USH1C: variants seen among roughly 807,000 people sequenced by gnomAD.
The protein encoded by USH1C is USH1 protein network component harmonin.
A neutral mutation model predicts 119.3 loss-of-function variants in USH1C; 90 were observed. The observed-to-expected ratio is 0.75, with a 90% CI of 0.64 to 0.90. USH1C has a LOEUF of 0.90. Among genes scored for constraint, USH1C ranks in the 40% least tolerant of loss-of-function variants. USH1C has a pLI of 0.00. For missense variants in USH1C, 1,165 were observed against 1,167.7 expected (o/e 1.00, Z 0.03); for synonymous variants, 465 against 443.3 (o/e 1.05, Z -0.62).
At position 17,509,799 on chromosome 11, in the gene USH1C, GAGACACAGA is replaced by G; in HGVS notation, c.1561_1569del (p.Ser521_Ser523del). 6.3e-7 allele frequency: 1 copy of G among 1,599,812 alleles called. No homozygotes were observed. The highest frequency in any genetic ancestry group is 8.5e-7 in the Non-Finnish European group (1 of 1,178,818). On this transcript the variant is annotated inframe_deletion, in exon 18 of 27. Transcript: ENST00000005226. Reference sequence around the variant, plus strand: ...AAGCGTCTCAAGGGTGGGGCCAGGGGAGACACAGAAGGCGGGGGAGGCGGGGGCCCTGTG... The same window carrying G: ...AAGCGTCTCAAGGGTGGGGCCAGGGGAGGCGGGGGAGGCGGGGGCCCTGTG...
chr11:17,540,361 C>T (rs1220853772), intron 1 of USH1C, among the ~76,000 whole-genome samples: 2 of 152,070 alleles, frequency 1.3e-5, no homozygotes, highest in Non-Finnish European at 2.9e-5. Context: ...CCTGCTTCTC[C>T]TTGCTTTCCT....
chr11:17,501,841 G>A lies in USH1C; in HGVS notation c.2226+98C>T. 15 of 1,397,866 alleles carry A rather than the reference G, an allele frequency of 1.1e-5. No individual in the cohort carries two copies. In the South Asian group the frequency reaches 2.0e-4, roughly 18 times the overall value. The allele number at this position is 1,397,866 out of a possible 1,614,324, so 86.6% of individuals were successfully genotyped here. A position where few individuals can be genotyped will look rare whatever the true frequency, so the allele number is the denominator to read the frequency against. Reference sequence around the variant, plus strand: ...TCCTCTGTGCCCCACCTCATCCCAGGACCCCAAGGCCCAGAATGCACCACT... The same window carrying A: ...TCCTCTGTGCCCCACCTCATCCCAGAACCCCAAGGCCCAGAATGCACCACT... On this transcript the variant is annotated intron_variant, in intron 21 of 26. Transcript: ENST00000005226.
intron 15 of USH1C, 36 bp from the exon 16 acceptor site, chr11:17,512,090 T>C: frequency 6.2e-7 from 1 of 1,611,190 alleles, no homozygotes; most frequent in South Asian, 1.1e-5. Context: ...TGACAAAGGT[T>C]AGAAATAGTG....
At chr11:17,534,234 C>T (rs1851134324) in intron 1 of USH1C, among the ~76,000 whole-genome samples, 1 of 152,238 alleles carries the variant, frequency 6.6e-6, no homozygotes, top group African/African-American at 2.4e-5. Context: ...CTGGAAGCTG[C>T]ATGCTCTCCA....
chr11:17,521,528 G>A (rs748291938), intron 12 of USH1C, 117 bp from the exon 13 acceptor site: 133 of 1,040,762 alleles, frequency 1.3e-4, no homozygotes, highest in Admixed American at 2.3e-4. Flanking sequence ...CCCTTCCTAG[G>A]AGGCCTGGAC....
At chr11:17,501,188 A>C (rs1168285350) in intron 22 of USH1C, 38 bp from the exon 23 acceptor site, 1 of 1,544,778 alleles carries the variant, frequency 6.5e-7, no homozygotes, top group East Asian at 2.3e-5. Context: ...AGCCAAGCAG[A>C]CAGCAGCCTG....
chr11:17,504,482 C>A (rs945107458), intron 20 of USH1C, among the ~76,000 whole-genome samples, 165 bp downstream of exon 20: 3 of 152,194 alleles, frequency 2.0e-5, no homozygotes, highest in Admixed American at 6.5e-5. Flanking sequence ...TATCCTCCCC[C>A]ACCCCTGCGC....
At chr11:17,495,769 C>A in intron 25 of USH1C, 92 bp from the exon 26 acceptor site, 1 of 1,390,152 alleles carries the variant, frequency 7.2e-7, no homozygotes, top group Non-Finnish European at 1.0e-6. Context: ...TGGGCTCCTG[C>A]CTCGGGTTCT....
chr11:17,518,790 C>T (rs927630176), intron 14 of USH1C, among the ~76,000 whole-genome samples: 5 of 152,200 alleles, frequency 3.3e-5, no homozygotes, highest in African/African-American at 4.8e-5. Context: ...GAGGTGGAGA[C>T]GGGCAGATCA....
chr11:17,498,045 C>T (rs1036932867), intron 24 of USH1C, 117 bp downstream of exon 24: 1 of 851,796 alleles, frequency 1.2e-6, no homozygotes, highest in Non-Finnish European at 2.0e-6. Context: ...CAAAGTGTTG[C>T]CTGGACTCCA....
chr11:17,495,765 CCTGCCTCGGGTT>C (rs1849226753), intron 25 of USH1C, 88 bp from the exon 26 acceptor site: 3 of 1,424,110 alleles, frequency 2.1e-6, no homozygotes, highest in Admixed American at 3.4e-5. Context: ...TCACTGGGCT[CCTGCCTCGGGTT>C]CTGCCTAGCC....
rs1232165076 is a variant in USH1C, at chr11:17,498,297, C to T, written c.2381-26G>A. ...CTGCAGGCAGATGAGGCTGATTGGC[C>T]AACTGGGCTGTATGTGACACGTGCC... On this transcript the variant is annotated intron_variant, in intron 23 of 26. Transcript: ENST00000005226. 4 of 1,608,026 alleles carry T rather than the reference C, an allele frequency of 2.5e-6. No individual in the cohort carries two copies. The African/African-American group carries it at 5.3e-5, about 21-fold the overall frequency.
intron 9 of USH1C, 24 bp downstream of exon 9, chr11:17,524,417 GGGCCCCCACT>G: frequency 1.9e-6 from 3 of 1,554,366 alleles, no homozygotes; most frequent in Non-Finnish European, 2.6e-6. Flanking sequence ...AATTTCCAGT[GGGCCCCCACT>G]GGGGCCGGCC....
At position 17,522,944 on chromosome 11, in the gene USH1C, G is replaced by A; in HGVS notation, c.877-18C>T. 6.2e-7 allele frequency: 1 copy of A among 1,607,070 alleles called. No homozygotes were observed. Among genetic ancestry groups the A allele is most frequent in the Non-Finnish European group, 8.5e-7 (1 of 1,177,100 alleles). Reference sequence around the variant, plus strand: ...TCCCGGCCCTCATGGGAGAAAAGAGGCCCCTTGCTCAGCCCCCGGGGAACC... The same window carrying A: ...TCCCGGCCCTCATGGGAGAAAAGAGACCCCTTGCTCAGCCCCCGGGGAACC... On this transcript the variant is annotated intron_variant, in intron 11 of 26. Transcript: ENST00000005226.
chr11:17,532,154 A>T (rs1388607375), intron 2 of USH1C, among the ~76,000 whole-genome samples: 1 of 151,834 alleles, frequency 6.6e-6, no homozygotes, highest in Non-Finnish European at 1.5e-5. Context: ...GCTATTTATG[A>T]TCTCCGTGCC....
At chr11:17,498,131 G>A in intron 24 of USH1C, 31 bp downstream of exon 24, 4 of 1,596,576 alleles carry the variant, frequency 2.5e-6, no homozygotes, top group Non-Finnish European at 3.4e-6. Flanking sequence ...GGCAGGTGAG[G>A]GAGGAAAGGA....
chr11:17,505,973 C>T, intron 18 of USH1C, 24 bp from the exon 19 acceptor site: 3 of 1,614,050 alleles, frequency 1.9e-6, no homozygotes, highest in Non-Finnish European at 2.5e-6. Context: ...TTAACAGGGA[C>T]CCAGGTGAGG....
chr11:17,530,744 G>A (rs1309255475), intron 4 of USH1C, among the ~76,000 whole-genome samples: 1 of 152,194 alleles, frequency 6.6e-6, no homozygotes, highest in Admixed American at 6.5e-5. Context: ...ATTGAACCCG[G>A]CTAACCCTGC....
intron 11 of USH1C, 136 bp downstream of exon 11, chr11:17,523,075 A>G: frequency 6.4e-7 from 1 of 1,574,188 alleles, no homozygotes; most frequent in Non-Finnish European, 8.7e-7. Flanking sequence ...CTTGCTGGGC[A>G]GAAGTCCTCT....
Sources: gnomAD v4.1 joint callset for allele counts (sites outside exome capture counted in the v4.1 genomes callset) on GRCh38, gnomAD v4.1.1 for gene constraint, MANE v1.5 for transcripts, NCBI Gene and HGNC (gene_info 2026-07-23, HGNC 2026-07-21) for gene names.